RYR3: variants seen among roughly 807,000 people sequenced by gnomAD.
RYR3 encodes the protein ryanodine receptor 3.
Under a neutral mutation model 584.3 loss-of-function variants are expected in RYR3, and 207 were observed. The observed-to-expected ratio is 0.35, with a 90% confidence interval of 0.32 to 0.40. The LOEUF (loss-of-function observed/expected upper bound fraction) is 0.40. Among genes scored for constraint, RYR3 ranks in the 10% least tolerant of loss-of-function variants. RYR3 has a pLI of 1.00. For missense variants in RYR3, 5,616 were observed against 6,089.2 expected (o/e 0.92, Z 2.59); for synonymous variants, 2,416 against 2,248.5 (o/e 1.07, Z -2.11).
intron 18 of RYR3, 108 bp downstream of exon 18, chr15:33,603,472 A>G (rs2059770260): frequency 5.1e-6 from 6 of 1,178,572 alleles, no homozygotes; most frequent in Non-Finnish European, 7.2e-6. Flanking sequence ...CAGACTCAAG[A>G]GTCTCAACTA....
At chr15:33,821,895 T>G (rs1191150619) in intron 80 of RYR3, among the ~76,000 whole-genome samples, 2 of 152,242 alleles carry the variant, frequency 1.3e-5, no homozygotes, top group Non-Finnish European at 2.9e-5. Flanking sequence ...AAAAATTTCC[T>G]AAGAGTTAGG....
At chr15:33,506,897 G>A (rs537529905) in intron 3 of RYR3, among the ~76,000 whole-genome samples, 180 of 152,326 alleles carry the variant, frequency 1.2e-3, no homozygotes, top group African/African-American at 4.1e-3. Flanking sequence ...AATAAAGAAG[G>A]AAGTGAGTTA....
chr15:33,570,405 C>A (rs1161022211), intron 12 of RYR3, among the ~76,000 whole-genome samples: 2 of 152,126 alleles, frequency 1.3e-5, no homozygotes, highest in Non-Finnish European at 2.9e-5. Flanking sequence ...TATAAGAGTT[C>A]TTTCTGGACG....
chr15:33,417,225 A>T (rs577927913), intron 1 of RYR3, among the ~76,000 whole-genome samples: 1 of 152,192 alleles, frequency 6.6e-6, no homozygotes, highest in East Asian at 1.9e-4. Context: ...ATTCTGTAAA[A>T]AATAATATTG....
intron 64 of RYR3, among the ~76,000 whole-genome samples, chr15:33,776,728 T>G (rs1371262431): frequency 6.6e-6 from 1 of 152,204 alleles, no homozygotes; most frequent in Non-Finnish European, 1.5e-5. Flanking sequence ...CTTTCAAAAT[T>G]GCAAAGCACC....
intron 103 of RYR3, among the ~76,000 whole-genome samples, 186 bp downstream of exon 103, chr15:33,864,375 G>GACATTTTCTA (rs1226833249): frequency 7.9e-5 from 12 of 151,492 alleles, no homozygotes; most frequent in African/African-American, 2.7e-4. Context: ...AACAAACACT[G>GACATTTTCTA]ACATTTTCTA....
At chr15:33,769,018 C>T (rs577231892) in intron 61 of RYR3, 94 bp from the exon 62 acceptor site, 27 of 935,362 alleles carry the variant, frequency 2.9e-5, no homozygotes, top group East Asian at 2.6e-4. Context: ...TAGTTAATTA[C>T]GCTGGGGCTG....
At chr15:33,802,988 C>A (rs1359176095) in intron 69 of RYR3, among the ~76,000 whole-genome samples, 1 of 152,138 alleles carries the variant, frequency 6.6e-6, no homozygotes, top group South Asian at 2.1e-4. Flanking sequence ...GGATGGAGGT[C>A]TCATATATAA....
rs186064325 is a variant in RYR3 at position 33,436,594 on chromosome 15, G to A, written c.52-36825G>A. On this transcript the variant is annotated intron_variant, in intron 1 of 103. Transcript: ENST00000634891. Reference sequence around the variant, plus strand: ...TGGCTCACTGCAACCTCCGCCTCCCGGGTTCACACCATTCTCCTGCCTCAG... The same window carrying A: ...TGGCTCACTGCAACCTCCGCCTCCCAGGTTCACACCATTCTCCTGCCTCAG... Among the ~76,000 whole-genome samples the A allele has an allele frequency of 1.3e-3, 201 of 150,374 alleles. 1 individual carries two copies. In the East Asian group the frequency reaches 0.014, roughly 11 times the overall value.
chr15:33,692,012 G>A (rs1405921948), intron 38 of RYR3, among the ~76,000 whole-genome samples: 1 of 152,174 alleles, frequency 6.6e-6, no homozygotes, highest in Admixed American at 6.5e-5. Context: ...GGCCCCCAGG[G>A]CTCTGCAGAT....
At chr15:33,738,162 G>A (rs1423940072) in intron 49 of RYR3, among the ~76,000 whole-genome samples, 1 of 152,162 alleles carries the variant, frequency 6.6e-6, no homozygotes, top group Non-Finnish European at 1.5e-5. Flanking sequence ...ACTTTCTGGT[G>A]TGAACTAGAA....
chr15:33,519,088 A>AG (rs1335725416), intron 3 of RYR3, among the ~76,000 whole-genome samples: 1 of 152,144 alleles, frequency 6.6e-6, no homozygotes, highest in Non-Finnish European at 1.5e-5. Flanking sequence ...ATCTTTTCCC[A>AG]GGCCCTGCAG....
Position 33,726,521 on chromosome 15 carries a change from T to G in RYR3, c.7033+15T>G. The G allele has an allele frequency of 6.4e-7, 1 of 1,572,198 alleles. No individual in the cohort carries two copies. The highest frequency in any genetic ancestry group is 8.6e-7 in the Non-Finnish European group (1 of 1,158,966). ...CCTCAACAAAGGTAAGGGGAGTGAC[T>G]GCAGGCTGCAGCAGCAGTCTCCCAG... On this transcript the variant is annotated intron_variant, in intron 46 of 103. Coordinates refer to ENST00000634891, the MANE Select transcript of RYR3 (RefSeq NM_001036.6).
chr15:33,525,037 T>C (rs1042011227), intron 3 of RYR3, among the ~76,000 whole-genome samples: 11 of 152,254 alleles, frequency 7.2e-5, no homozygotes, highest in Non-Finnish European at 1.5e-4. Flanking sequence ...CTGTGAAGAA[T>C]GTAGACTCTT....
intron 38 of RYR3, among the ~76,000 whole-genome samples, chr15:33,677,066 AT>A (rs1272382607): frequency 6.6e-6 from 1 of 152,182 alleles, no homozygotes; most frequent in African/African-American, 2.4e-5. Flanking sequence ...CTAGGCTCCC[AT>A]TTTATGCACT....
At chr15:33,565,667 A>G (rs1199347938) in intron 11 of RYR3, among the ~76,000 whole-genome samples, 1 of 152,184 alleles carries the variant, frequency 6.6e-6, no homozygotes, top group Non-Finnish European at 1.5e-5. Flanking sequence ...TCAAGAGGAA[A>G]CCATGCCAGT....
At chr15:33,796,650 C>T (rs2075645911) in intron 67 of RYR3, among the ~76,000 whole-genome samples, 1 of 152,216 alleles carries the variant, frequency 6.6e-6, no homozygotes, top group Non-Finnish European at 1.5e-5. Flanking sequence ...GGACTTTTAG[C>T]ATGACCATCA....
chr15:33,646,661 A>C, intron 29 of RYR3, 135 bp downstream of exon 29: 3 of 795,754 alleles, frequency 3.8e-6, no homozygotes, highest in Non-Finnish European at 5.9e-6. Context: ...TAAAAAAGAA[A>C]ATGAGAATGT....
At chr15:33,426,068 T>C (rs1438347449) in intron 1 of RYR3, among the ~76,000 whole-genome samples, 1 of 152,176 alleles carries the variant, frequency 6.6e-6, no homozygotes, top group Non-Finnish European at 1.5e-5. Flanking sequence ...TACAAATCAG[T>C]AGCATTATTT....
Sources: allele counts gnomAD v4.1 joint callset (sites outside exome capture counted in the v4.1 genomes callset), GRCh38; gene constraint gnomAD v4.1.1; transcripts MANE v1.5; gene names NCBI Gene and HGNC (gene_info 2026-07-23, HGNC 2026-07-21).